Variants in TENM4 observed in about 807,000 individuals in gnomAD.
TENM4 encodes the protein teneurin transmembrane protein 4.
In TENM4, 82 loss-of-function variants were observed where a neutral mutation model predicts 243.3. The observed-to-expected ratio is 0.34, with a 90% CI of 0.28 to 0.40. The LOEUF is 0.40. TENM4 is among the 10% of genes least tolerant of loss of function. The pLI, the probability that TENM4 is intolerant of heterozygous loss-of-function variation, is 1.00. For missense variants in TENM4, 3,138 were observed against 3,673.3 expected (o/e 0.85, Z 3.77); for synonymous variants, 1,412 against 1,456.3 (o/e 0.97, Z 0.69).
intron 3 of TENM4, among the ~76,000 whole-genome samples, chr11:79,173,477 C>T (rs973064677): frequency 2.0e-5 from 3 of 152,174 alleles, no homozygotes; most frequent in Admixed American, 2.0e-4. Flanking sequence ...CGTGGCCTAT[C>T]ACCAGGTGGG....
At chr11:79,064,652 C>A (rs1377451341) in intron 6 of TENM4, 86 bp downstream of exon 6, 1 of 1,502,982 alleles carries the variant, frequency 6.7e-7, no homozygotes, top group Non-Finnish European at 9.0e-7. Context: ...ACCAGAGCCC[C>A]GGCAGTGGAG....
intron 6 of TENM4, among the ~76,000 whole-genome samples, chr11:78,984,101 G>A (rs1333238479): frequency 6.6e-6 from 1 of 152,114 alleles, no homozygotes. Context: ...AAAAATGAGG[G>A]AAGCAGGCTA....
rs374934640 is a variant in TENM4, at chr11:78,708,459, G to C, written c.4111C>G (p.Arg1371Gly). 3 of 1,613,896 alleles carry C rather than the reference G, an allele frequency of 1.9e-6. No homozygotes were observed. The highest frequency in any genetic ancestry group is 2.5e-6 in the Non-Finnish European group (3 of 1,179,902). The change falls in exon 27 of 34, where the codon CGC becomes GGC. Residue 1371 changes from arginine (R) to glycine (G), a missense_variant. Coordinates refer to ENST00000278550, the MANE Select transcript of TENM4 (RefSeq NM_001098816.3). ...GAGATGATCCCATTCTGATCGATGC[G>C]TCTGATCATGGTGCCATCCACGAAG... ...IYFVDGTMIRRIDQNGIISTL... is the reference protein window; with the variant it reads ...IYFVDGTMIRGIDQNGIISTL...
intron 3 of TENM4, among the ~76,000 whole-genome samples, chr11:79,153,882 G>T (rs963199728): frequency 6.6e-6 from 1 of 152,092 alleles, no homozygotes; most frequent in Admixed American, 6.6e-5. Flanking sequence ...AATTCTTAGT[G>T]ATCTTAGGTA....
At chr11:78,730,662 G>A (rs1855640541) in intron 21 of TENM4, among the ~76,000 whole-genome samples, 1 of 152,228 alleles carries the variant, frequency 6.6e-6, no homozygotes, top group Non-Finnish European at 1.5e-5. Flanking sequence ...TTGATGCGCT[G>A]GGCTCTGTTT....
chr11:78,889,766 G>T lies in TENM4; in HGVS notation c.1084+19C>A. The T allele has an allele frequency of 6.5e-7, 1 of 1,550,200 alleles. No individual in the cohort carries two copies. On this transcript the variant is annotated intron_variant, in intron 9 of 33. Coordinates refer to ENST00000278550, the MANE Select transcript of TENM4 (RefSeq NM_001098816.3). ...GGGCCAAAGAGGAGCAAGGGGAGCTGGGGTGAAGAGGTGCTTACCCACAAA... is the reference window on the plus strand; with the variant it reads ...GGGCCAAAGAGGAGCAAGGGGAGCTTGGGTGAAGAGGTGCTTACCCACAAA...
At chr11:78,953,626 A>C (rs1857150117) in intron 6 of TENM4, among the ~76,000 whole-genome samples, 1 of 152,250 alleles carries the variant, frequency 6.6e-6, no homozygotes, top group Non-Finnish European at 1.5e-5. Context: ...AAAATTTAAA[A>C]ATACAATATA....
At chr11:79,375,288 G>A (rs1250974474) in intron 1 of TENM4, among the ~76,000 whole-genome samples, 1 of 152,082 alleles carries the variant, frequency 6.6e-6, no homozygotes, top group Non-Finnish European at 1.5e-5. Context: ...GAAGTCATAT[G>A]TTCTTATTTA....
chr11:79,337,132 G>A (rs561477292), intron 1 of TENM4, among the ~76,000 whole-genome samples: 3 of 152,332 alleles, frequency 2.0e-5, no homozygotes, highest in African/African-American at 7.2e-5. Context: ...ATTGCATCTT[G>A]CATCCACGTA....
intron 1 of TENM4, among the ~76,000 whole-genome samples, chr11:79,437,841 C>T (rs553368749): frequency 6.6e-6 from 1 of 152,314 alleles, no homozygotes; most frequent in South Asian, 2.1e-4. Flanking sequence ...TTCCTGGATT[C>T]CCACGGCTGG....
chr11:78,772,100 G>A (rs1413668414), intron 17 of TENM4, among the ~76,000 whole-genome samples: 1 of 152,204 alleles, frequency 6.6e-6, no homozygotes, highest in African/African-American at 2.4e-5. Context: ...GAGGGCTGTA[G>A]ATGATTTGAT....
At chr11:78,810,387 G>A (rs998999513) in intron 14 of TENM4, among the ~76,000 whole-genome samples, 1 of 152,162 alleles carries the variant, frequency 6.6e-6, no homozygotes, top group Non-Finnish European at 1.5e-5. Context: ...CAGCTCATCT[G>A]GGGAAGGACG....
At chr11:78,672,743 G>C (rs1220337691) in intron 30 of TENM4, among the ~76,000 whole-genome samples, 1 of 152,164 alleles carries the variant, frequency 6.6e-6, no homozygotes, top group Non-Finnish European at 1.5e-5. Flanking sequence ...TTCCACACCA[G>C]ACACTGCGGA....
intron 1 of TENM4, among the ~76,000 whole-genome samples, chr11:79,379,138 G>A (rs1025566565): frequency 7.9e-5 from 12 of 152,098 alleles, no homozygotes; most frequent in Non-Finnish European, 1.2e-4. Flanking sequence ...GGTGCTGGAC[G>A]GGTTAGCAAT....
rs1376079289 is a variant in TENM4 at position 79,272,150 on chromosome 11, A to C, written c.-265+25338T>G. The stretch of plus-strand genomic sequence containing the variant: ...CTCCCACATCCCACCTCCCAGAGGG[A>C]CTCAACCAGTCCTGGATTCCACTCT... On this transcript the variant is annotated intron_variant, in intron 2 of 33. Coordinates refer to ENST00000278550, the MANE Select transcript of TENM4 (RefSeq NM_001098816.3). 2.6e-5 allele frequency among the ~76,000 whole-genome samples: 4 copies of C among 152,182 alleles called. No homozygotes were observed. The East Asian group carries it at 7.7e-4, about 29-fold the overall frequency.
At chr11:78,745,803 A>C (rs1305815905) in intron 19 of TENM4, among the ~76,000 whole-genome samples, 1 of 152,210 alleles carries the variant, frequency 6.6e-6, no homozygotes, top group Non-Finnish European at 1.5e-5. Context: ...TTGTATACAA[A>C]ATAAACTTGA....
rs559512712 is a variant in TENM4 at position 79,429,049 on chromosome 11, G to C, written c.-321+11460C>G. ...CTAGGTGATTCTAATGCACCGCCAG[G>C]GTCAAGTAACTCTAAATCTAGTGCC... On this transcript the variant is annotated intron_variant, in intron 1 of 33. Transcript: ENST00000278550. Among the ~76,000 whole-genome samples the C allele has an allele frequency of 2.6e-5, 4 of 152,170 alleles. No individual in the cohort carries two copies. In the South Asian group the frequency reaches 8.3e-4, roughly 32 times the overall value.
At chr11:78,798,742 C>T (rs1168014754) in intron 15 of TENM4, among the ~76,000 whole-genome samples, 1 of 152,006 alleles carries the variant, frequency 6.6e-6, no homozygotes, top group Non-Finnish European at 1.5e-5. Flanking sequence ...CCTTGGCCTG[C>T]ACTGCCCTCT....
intron 1 of TENM4, among the ~76,000 whole-genome samples, chr11:79,412,784 T>C (rs1858729784): frequency 6.6e-6 from 1 of 152,252 alleles, no homozygotes; most frequent in African/African-American, 2.4e-5. Flanking sequence ...CATTCATTCA[T>C]TTATTTTTTC....
Sources: allele counts gnomAD v4.1 joint callset (sites outside exome capture counted in the v4.1 genomes callset), GRCh38; gene constraint gnomAD v4.1.1; transcripts MANE v1.5; gene names NCBI Gene and HGNC (gene_info 2026-07-23, HGNC 2026-07-21).